The following KLHL14 variants were observed in gnomAD, a reference collection of about 807,000 sequenced individuals.
The protein encoded by KLHL14 is kelch like family member 14.
In KLHL14, 22 loss-of-function variants were observed where a neutral mutation model predicts 64.3. That is an observed-to-expected ratio of 0.34 (90% CI 0.24 to 0.49). KLHL14 has a LOEUF of 0.49. KLHL14 is among the 20% of genes least tolerant of loss of function. The probability of loss-of-function intolerance (pLI) is 0.99; values close to 1 mark genes in which losing one functional copy is unlikely to be tolerated. For synonymous variants in KLHL14, 322 were observed against 333.4 expected, an observed-to-expected ratio of 0.97 and a Z score of 0.37; for missense variants, 661 against 789.0, an observed-to-expected ratio of 0.84 and a Z score of 1.94.
rs1402842944 is a variant in KLHL14 at position 32,683,082 on chromosome 18, C to T, written c.1239-2483G>A. On this transcript the variant is annotated intron_variant, in intron 5 of 8. Transcript: ENST00000359358. The surrounding 1 kb of genome is among the most constrained non-coding windows in gnomAD (Gnocchi z 4.2). ...TTTTGAAGAATAAGAGGAAGATCTC[C>T]CTTTGGTGAACTCATTTTCTTGTCT... Among the ~76,000 whole-genome samples the T allele has an allele frequency of 1.3e-5, 2 of 152,076 alleles. No homozygotes were observed. Among genetic ancestry groups the T allele is most frequent in the Non-Finnish European group, 2.9e-5 (2 of 68,002 alleles).
intron 3 of KLHL14, among the ~76,000 whole-genome samples, chr18:32,709,487 A>G (rs539114766): frequency 6.6e-6 from 1 of 151,086 alleles, no homozygotes; most frequent in Non-Finnish European, 1.5e-5. Flanking sequence ...TCATTTTGTC[A>G]CCCAAGCTAG....
At chr18:32,677,618 C>T (rs946069586) in intron 7 of KLHL14, among the ~76,000 whole-genome samples, 1 of 152,092 alleles carries the variant, frequency 6.6e-6, no homozygotes, top group Non-Finnish European at 1.5e-5. Context: ...TTATTAAAAC[C>T]TTATTTAAAA....
chr18:32,685,769 A>G (rs949379403), intron 5 of KLHL14, among the ~76,000 whole-genome samples: 1 of 152,186 alleles, frequency 6.6e-6, no homozygotes, highest in Non-Finnish European at 1.5e-5. Flanking sequence ...CAGTATATAG[A>G]GTAGAAAGTT....
chr18:32,757,224 C>G (rs73955283), intron 2 of KLHL14, among the ~76,000 whole-genome samples: 5 of 152,332 alleles, frequency 3.3e-5, no homozygotes, highest in African/African-American at 1.2e-4. Flanking sequence ...AATGAAGTAA[C>G]AGTACCCAAC....
chr18:32,731,353 A>C (rs2050136140), intron 3 of KLHL14, among the ~76,000 whole-genome samples: 1 of 152,242 alleles, frequency 6.6e-6, no homozygotes. Context: ...AGAGTCATTT[A>C]GGGCTACTGT....
intron 3 of KLHL14, among the ~76,000 whole-genome samples, chr18:32,698,696 T>G (rs1218176822): frequency 3.3e-5 from 5 of 152,072 alleles, no homozygotes; most frequent in Non-Finnish European, 7.4e-5. Context: ...TTGCGAGACT[T>G]CTCAACTTTA....
rs1039574625 is a variant in KLHL14 at position 32,722,402 on chromosome 18, A to T, written c.1069+19526T>A. The stretch of plus-strand genomic sequence containing the variant: ...AACGAGAGAAGCTTAACCAGAAGGA[A>T]CCTGGGAAAATGGAGAGGAGCTGTC... On this transcript the variant is annotated intron_variant, in intron 3 of 8. Transcript: ENST00000359358. Among the ~76,000 whole-genome samples the T allele has an allele frequency of 2.0e-5, 3 of 152,188 alleles. No homozygotes were observed. The East Asian group carries it at 5.8e-4, about 29-fold the overall frequency.
intron 3 of KLHL14, among the ~76,000 whole-genome samples, chr18:32,712,198 T>A (rs944440169): frequency 6.6e-6 from 1 of 152,138 alleles, no homozygotes; most frequent in Non-Finnish European, 1.5e-5. Flanking sequence ...TTTACTATCT[T>A]GCCCTTACAG....
rs552393578 is a variant in KLHL14, at chr18:32,732,828, A to G, written c.1069+9100T>C. Among the ~76,000 whole-genome samples the G allele has an allele frequency of 3.2e-4, 49 of 152,320 alleles. No individual in the cohort carries two copies. In the South Asian group the frequency reaches 0.01, roughly 32 times the overall value. ...TCCAGTGGCTGATAAGGAAACTGAG[A>G]TAGAAGAGTAGAAAGACAGAAATGG... On this transcript the variant is annotated intron_variant, in intron 3 of 8. Transcript: ENST00000359358.
At chr18:32,755,820 T>C (rs1209570566) in intron 2 of KLHL14, among the ~76,000 whole-genome samples, 1 of 152,208 alleles carries the variant, frequency 6.6e-6, no homozygotes, top group East Asian at 1.9e-4. Flanking sequence ...TTGAAAAAGC[T>C]ACTGGTCTAG....
At chr18:32,699,874 G>GA (rs2049955836) in intron 3 of KLHL14, among the ~76,000 whole-genome samples, 2 of 151,130 alleles carry the variant, frequency 1.3e-5, no homozygotes, top group African/African-American at 2.4e-5. Context: ...TATGGAGCCA[G>GA]AAAAAACACT....
At chr18:32,720,886 A>G (rs2050075823) in intron 3 of KLHL14, among the ~76,000 whole-genome samples, 1 of 152,178 alleles carries the variant, frequency 6.6e-6, no homozygotes, top group African/African-American at 2.4e-5. Context: ...TTTCAATGCC[A>G]GGCCCATCAG....
At chr18:32,688,006 G>A (rs2049887912) in intron 4 of KLHL14, among the ~76,000 whole-genome samples, 1 of 152,160 alleles carries the variant, frequency 6.6e-6, no homozygotes, top group South Asian at 2.1e-4. Flanking sequence ...CCTCTGAGCT[G>A]CTTAACCAGC....
At chr18:32,677,379 C>G (rs769971578) in intron 7 of KLHL14, 49 bp from the exon 8 acceptor site, 1 of 1,526,526 alleles carries the variant, frequency 6.6e-7, no homozygotes, top group Non-Finnish European at 8.9e-7. Context: ...TGCTCAGGGT[C>G]CCAATTTAAG....
At chr18:32,702,159 C>T (rs72948149) in intron 3 of KLHL14, among the ~76,000 whole-genome samples, 2,558 of 151,988 alleles carry the variant, frequency 0.017, 38 homozygotes, top group Non-Finnish European at 0.028. Flanking sequence ...TTTCTAGGAA[C>T]GGACAAAATA....
chr18:32,713,797 C>T (rs2050031799), intron 3 of KLHL14, among the ~76,000 whole-genome samples: 1 of 151,978 alleles, frequency 6.6e-6, no homozygotes, highest in African/African-American at 2.4e-5. Context: ...AATATTTATT[C>T]AATGATTTCT....
intron 1 of KLHL14, 102 bp downstream of exon 1, chr18:32,772,565 C>G (rs1232864806): frequency 2.6e-5 from 4 of 152,868 alleles, no homozygotes; most frequent in African/African-American, 9.7e-5. Flanking sequence ...ACTACCCCCC[C>G]GCCAACCCCT....
chr18:32,709,444 C>G (rs2144498682), intron 3 of KLHL14, among the ~76,000 whole-genome samples: 1 of 141,338 alleles, frequency 7.1e-6, no homozygotes, highest in Non-Finnish European at 1.5e-5. Context: ...TAATGCCTAC[C>G]TTTAGAATTT....
intron 2 of KLHL14, among the ~76,000 whole-genome samples, chr18:32,750,729 A>G (rs1161299644): frequency 6.6e-6 from 1 of 152,076 alleles, no homozygotes; most frequent in Non-Finnish European, 1.5e-5. Flanking sequence ...GAGCTGTAAT[A>G]TTTCTTAAAT....
Sources: gnomAD v4.1 joint callset for allele counts (sites outside exome capture counted in the v4.1 genomes callset) on GRCh38, gnomAD v4.1.1 for gene constraint, Gnocchi (gnomAD v3.1) non-coding constraint, MANE v1.5 for transcripts, NCBI Gene and HGNC (gene_info 2026-07-23, HGNC 2026-07-21) for gene names.